The following AGTPBP1 variants were observed in gnomAD, a reference collection of about 807,000 sequenced individuals.
The protein encoded by AGTPBP1 is cytosolic carboxypeptidase 1.
Under a neutral mutation model 143.9 loss-of-function variants are expected in AGTPBP1, and 70 were observed. The observed-to-expected ratio is 0.49, with a 90% CI of 0.40 to 0.59. The LOEUF (loss-of-function observed/expected upper bound fraction) is 0.59, where lower values mean the gene tolerates loss of function less well. Ranked by LOEUF, AGTPBP1 falls within the 20% of genes least tolerant of loss-of-function variation. The pLI is 0.00. For synonymous variants in AGTPBP1, 463 were observed against 500.2 expected (o/e 0.93, Z 0.99); for missense variants, 1,229 against 1,464.5 (o/e 0.84, Z 2.62).
intron 1 of AGTPBP1, among the ~76,000 whole-genome samples, chr9:85,733,338 A>G (rs996287215): frequency 4.6e-5 from 7 of 152,236 alleles, no homozygotes; most frequent in African/African-American, 1.7e-4. Flanking sequence ...AAACTGGAAA[A>G]TACACAAATT....
At chr9:85,560,353 T>C (rs1361466183) in intron 25 of AGTPBP1, among the ~76,000 whole-genome samples, 1 of 152,224 alleles carries the variant, frequency 6.6e-6, no homozygotes, top group Non-Finnish European at 1.5e-5. Context: ...AAAGAGGAGT[T>C]AGACCTTCAA....
chr9:85,597,063 G>C (rs1242553210), intron 17 of AGTPBP1, among the ~76,000 whole-genome samples: 2 of 152,018 alleles, frequency 1.3e-5, no homozygotes, highest in Non-Finnish European at 2.9e-5. Flanking sequence ...ATTATAGAAA[G>C]GCTGACAATT....
rs974016764 is a variant in AGTPBP1 at position 85,719,401 on chromosome 9, C to T, written c.-33-6835G>A. ...CTTCACAACCCTTGTATGTTGGATT[C>T]CTAGGTATTTTATTCTCTTTGAAGC... is the stretch of plus-strand genomic sequence containing the variant. On this transcript the variant is annotated intron_variant, in intron 1 of 25. Coordinates refer to ENST00000357081, the MANE Select transcript of AGTPBP1 (RefSeq NM_001330701.2). 2.0e-5 allele frequency among the ~76,000 whole-genome samples: 3 copies of T among 152,032 alleles called. No individual in the cohort carries two copies. The South Asian group carries it at 6.2e-4, about 31-fold the overall frequency.
chr9:85,547,371 T>A, intron 25 of AGTPBP1, 85 bp from the exon 26 acceptor site: 1 of 1,166,736 alleles, frequency 8.6e-7, no homozygotes, highest in Non-Finnish European at 1.1e-6. Context: ...CTGGACTAAC[T>A]TTGATTCCAA....
At chr9:85,549,590 T>C (rs1357819726) in intron 25 of AGTPBP1, among the ~76,000 whole-genome samples, 1 of 152,192 alleles carries the variant, frequency 6.6e-6, no homozygotes, top group Non-Finnish European at 1.5e-5. Context: ...AAGCCTAGTC[T>C]TATAAGCTGA....
At chr9:85,696,604 G>A (rs1022567421) in intron 2 of AGTPBP1, among the ~76,000 whole-genome samples, 3 of 152,064 alleles carry the variant, frequency 2.0e-5, no homozygotes, top group Non-Finnish European at 2.9e-5. Flanking sequence ...GGAGGTGGAG[G>A]CTGCAGTGAG....
At chr9:85,566,765 A>G (rs1827131302) in intron 25 of AGTPBP1, among the ~76,000 whole-genome samples, 2 of 152,208 alleles carry the variant, frequency 1.3e-5, no homozygotes, top group South Asian at 4.1e-4. Flanking sequence ...TAGCTCCTTC[A>G]AGGCAACAGA....
intron 8 of AGTPBP1, among the ~76,000 whole-genome samples, chr9:85,662,581 A>T (rs1450404406): frequency 6.6e-6 from 1 of 152,160 alleles, no homozygotes; most frequent in Non-Finnish European, 1.5e-5. Flanking sequence ...ATAAAAACTA[A>T]AATGGAAAAG....
the AGTPBP1 span, among the ~76,000 whole-genome samples, chr9:85,767,672 A>C: frequency 6.6e-6 from 1 of 150,872 alleles, no homozygotes. Context: ...AGTAGAGACG[A>C]GGTCTCGCCA....
chr9:85,736,806 C>A (rs947226203), intron 1 of AGTPBP1, among the ~76,000 whole-genome samples: 6 of 152,154 alleles, frequency 3.9e-5, no homozygotes, highest in African/African-American at 1.4e-4. Context: ...CATCAACCAC[C>A]AACAATTATA....
the AGTPBP1 span, among the ~76,000 whole-genome samples, chr9:85,804,623 T>A: frequency 2.6e-5 from 4 of 152,336 alleles, no homozygotes; most frequent in East Asian, 7.7e-4. Flanking sequence ...ATGGAGATAA[T>A]GGGATGCGCT....
At chr9:85,722,753 C>T (rs1838214081) in intron 1 of AGTPBP1, among the ~76,000 whole-genome samples, 1 of 152,196 alleles carries the variant, frequency 6.6e-6, no homozygotes, top group African/African-American at 2.4e-5. Flanking sequence ...AGAAGAGGTG[C>T]TCTGGTTTTT....
intron 17 of AGTPBP1, among the ~76,000 whole-genome samples, chr9:85,612,867 T>C (rs1315545625): frequency 6.7e-6 from 1 of 148,430 alleles, no homozygotes; most frequent in African/African-American, 2.5e-5. Context: ...GTGTGAGTAG[T>C]AGGAAGAAAA....
chr9:85,623,164 C>G (rs1369823817), intron 14 of AGTPBP1, among the ~76,000 whole-genome samples: 2 of 152,000 alleles, frequency 1.3e-5, no homozygotes, highest in African/African-American at 2.4e-5. Context: ...TAAAAACGAG[C>G]TGACTGCTGC....
the AGTPBP1 span, chr9:85,765,216 G>C: frequency 4.4e-5 from 11 of 249,274 alleles, no homozygotes; most frequent in Non-Finnish European, 7.8e-5. Flanking sequence ...GGGGTTTCTC[G>C]TCTGAAATCA....
At chr9:85,689,240 A>G (rs975576550) in intron 3 of AGTPBP1, among the ~76,000 whole-genome samples, 1 of 152,098 alleles carries the variant, frequency 6.6e-6, no homozygotes, top group Admixed American at 6.5e-5. Context: ...AAGGGCAGAG[A>G]CTGTATGGCC....
At chr9:85,594,682 G>A (rs1015694388) in intron 18 of AGTPBP1, among the ~76,000 whole-genome samples, 2 of 152,196 alleles carry the variant, frequency 1.3e-5, no homozygotes, top group Non-Finnish European at 2.9e-5. Context: ...GTTAATAAAT[G>A]TTTGTTGAAT....
intron 1 of AGTPBP1, among the ~76,000 whole-genome samples, chr9:85,718,281 C>T (rs754742481): frequency 6.6e-6 from 1 of 152,146 alleles, no homozygotes; most frequent in Middle Eastern, 3.2e-3. Flanking sequence ...ATTTACACTC[C>T]CACCAACAGT....
At chr9:85,646,799 T>C (rs1245708186) in intron 11 of AGTPBP1, among the ~76,000 whole-genome samples, 1 of 152,344 alleles carries the variant, frequency 6.6e-6, no homozygotes, top group East Asian at 1.9e-4. Flanking sequence ...CATACTGTGC[T>C]ATATGCTGGG....
Sources: allele counts gnomAD v4.1 joint callset (sites outside exome capture counted in the v4.1 genomes callset), GRCh38; gene constraint gnomAD v4.1.1; transcripts MANE v1.5; gene names NCBI Gene and HGNC (gene_info 2026-07-23, HGNC 2026-07-21).